The following FAM184B variants were observed in gnomAD, a reference collection of about 807,000 sequenced individuals.
FAM184B encodes protein FAM184B.
In FAM184B, 111 loss-of-function variants were observed where a neutral mutation model predicts 135.9. The observed-to-expected ratio is 0.82, with a 90% CI of 0.70 to 0.96. The LOEUF (loss-of-function observed/expected upper bound fraction) is 0.96. Ranked by LOEUF, FAM184B falls within the 40% of genes least tolerant of loss-of-function variation. FAM184B has a pLI of 0.00. For missense variants in FAM184B, 1,375 were observed against 1,323.9 expected, an observed-to-expected ratio of 1.04 and a Z score of -0.60; for synonymous variants, 552 against 524.8, an observed-to-expected ratio of 1.05 and a Z score of -0.71.
chr4:17,705,885 A>G lies in FAM184B; in HGVS notation c.1037T>C (p.Met346Thr), dbSNP rs1717103534. The G allele has an allele frequency of 1.9e-6, 3 of 1,552,158 alleles. No homozygotes were observed. Among genetic ancestry groups the G allele is most frequent in the African/African-American group, 2.7e-5 (2 of 73,070 alleles). Residue 346 changes from methionine to threonine, a missense_variant, in exon 4 of 18, where the codon ATG (methionine) becomes ACG (threonine). Physicochemically the swap from Met to Thr is moderately conservative, Grantham distance 81 (BLOSUM62 -1). Coordinates refer to ENST00000265018, the MANE Select transcript of FAM184B (RefSeq NM_015688.2). ...GTTCTCTGAAACTAACTCAGTCTTC[A>G]TGGCATCTGCAAGCATACATTTCAG... ...ECRGTQQTDA[M>T]KTELVSENKV...
intron 1 of FAM184B, among the ~76,000 whole-genome samples, chr4:17,726,950 T>C (rs561874262): frequency 3.9e-5 from 6 of 152,278 alleles, no homozygotes; most frequent in African/African-American, 1.4e-4. Context: ...TAATTTCAGG[T>C]TGCATGGGAT....
At chr4:17,763,176 C>T (rs1394701467) in intron 1 of FAM184B, among the ~76,000 whole-genome samples, 1 of 152,102 alleles carries the variant, frequency 6.6e-6, no homozygotes, top group Non-Finnish European at 1.5e-5. Context: ...TTGCCTAAGT[C>T]ACAATGAGGA....
At chr4:17,697,403 A>G (rs775975664) in intron 5 of FAM184B, among the ~76,000 whole-genome samples, 15 of 140,760 alleles carry the variant, frequency 1.1e-4, no homozygotes, top group Non-Finnish European at 2.0e-4. Flanking sequence ...CACTTAAAAG[A>G]GAAGAAAAAA....
chr4:17,664,305 G>A (rs1488787116), intron 8 of FAM184B, among the ~76,000 whole-genome samples: 3 of 152,166 alleles, frequency 2.0e-5, no homozygotes, highest in African/African-American at 7.2e-5. Flanking sequence ...ATCTTGGAAA[G>A]GTTTGCTAAC....
At chr4:17,749,477 T>A (rs954724702) in intron 1 of FAM184B, among the ~76,000 whole-genome samples, 1 of 151,790 alleles carries the variant, frequency 6.6e-6, no homozygotes, top group African/African-American at 2.4e-5. Flanking sequence ...ACACTATCAA[T>A]GGAAACAGAT....
chr4:17,643,794 C>A (rs549160959), intron 12 of FAM184B, among the ~76,000 whole-genome samples: 1 of 152,334 alleles, frequency 6.6e-6, no homozygotes, highest in South Asian at 2.1e-4. Context: ...TCCTCACCAC[C>A]CACAGGCACT....
rs1419442223 is a variant in FAM184B at position 17,647,766 on chromosome 4, C to T, written c.2217G>A (p.Glu739=). Residue 739 remains glutamate (E), a synonymous_variant, in exon 12 of 18, where the codon GAG becomes GAA. Coordinates refer to ENST00000265018, the MANE Select transcript of FAM184B (RefSeq NM_015688.2). ...GGTGCCCAGAACAGGCAGCTTGCTGCTCCGACAGCTCCTGTCTGAGCGACT... is the reference window on the plus strand; with the variant it reads ...GGTGCCCAGAACAGGCAGCTTGCTGTTCCGACAGCTCCTGTCTGAGCGACT... ...LLESLRQELS[E]QQAACSGHQK... The T allele has an allele frequency of 6.4e-7, 1 of 1,550,656 alleles. No individual in the cohort carries two copies. The highest frequency in any genetic ancestry group is 8.7e-7 in the Non-Finnish European group (1 of 1,146,954).
At chr4:17,714,642 A>T (rs1207015055) in intron 1 of FAM184B, among the ~76,000 whole-genome samples, 1 of 152,208 alleles carries the variant, frequency 6.6e-6, no homozygotes, top group Admixed American at 6.5e-5. Flanking sequence ...TTCAGTATAT[A>T]GCCATGCTCG....
intron 8 of FAM184B, 106 bp from the exon 9 acceptor site, chr4:17,660,193 T>C (rs1476531108): frequency 2.3e-6 from 3 of 1,305,176 alleles, no homozygotes; most frequent in East Asian, 5.1e-5. Flanking sequence ...AAAGCTCCGA[T>C]AGCAGTTAGT....
At position 17,674,450 on chromosome 4, in the gene FAM184B, C is replaced by CT. The variant is rs1395217347; in HGVS notation, c.1597-9792dup. On this transcript the variant is annotated intron_variant, in intron 7 of 17. Transcript: ENST00000265018. ...ACCTGAGCCTTCAGTGTATTGTAAT[C>CT]TTTTTGCTGTGAAAGGTCTTGCTCA... Among the ~76,000 whole-genome samples, 6 of 152,226 alleles carry CT rather than the reference C, an allele frequency of 3.9e-5. No individual in the cohort carries two copies. The South Asian group carries it at 1.2e-3, about 32-fold the overall frequency.
intron 1 of FAM184B, among the ~76,000 whole-genome samples, chr4:17,720,844 C>A (rs1358657085): frequency 8.1e-5 from 11 of 135,516 alleles, no homozygotes; most frequent in Non-Finnish European, 1.4e-4. Flanking sequence ...TGAGATCAAG[C>A]CAATGCACTC....
At chr4:17,703,236 C>T (rs1193447847) in intron 5 of FAM184B, among the ~76,000 whole-genome samples, 2 of 152,178 alleles carry the variant, frequency 1.3e-5, no homozygotes, top group Non-Finnish European at 2.9e-5. Context: ...GTGGCGCATG[C>T]CTATAATCCC....
At chr4:17,740,179 G>A (rs1333423658) in intron 1 of FAM184B, among the ~76,000 whole-genome samples, 5 of 151,522 alleles carry the variant, frequency 3.3e-5, no homozygotes, top group Admixed American at 2.0e-4. Context: ...TAGCAAAGCC[G>A]CGTCTCTACT....
intron 1 of FAM184B, among the ~76,000 whole-genome samples, chr4:17,755,464 T>C (rs568257885): frequency 1.3e-5 from 2 of 152,340 alleles, no homozygotes; most frequent in South Asian, 4.1e-4. Flanking sequence ...TTGGTGGGAC[T>C]GTAAATTAGT....
intron 1 of FAM184B, among the ~76,000 whole-genome samples, chr4:17,723,618 A>G (rs146646722): frequency 1.2e-3 from 185 of 152,308 alleles, no homozygotes; most frequent in Admixed American, 2.2e-3. Context: ...TGCTCTCAGT[A>G]GCGTCTGTAT....
intron 7 of FAM184B, among the ~76,000 whole-genome samples, chr4:17,673,400 C>G (rs1716223481): frequency 6.6e-6 from 1 of 152,162 alleles, no homozygotes; most frequent in Non-Finnish European, 1.5e-5. Flanking sequence ...TTTGATCCAG[C>G]AATCCCACTA....
intron 5 of FAM184B, among the ~76,000 whole-genome samples, chr4:17,693,920 C>T (rs949492774): frequency 7.9e-5 from 12 of 151,274 alleles, no homozygotes; most frequent in Admixed American, 4.0e-4. Context: ...GAGACCAGCC[C>T]GAGCAACATA....
intron 7 of FAM184B, among the ~76,000 whole-genome samples, chr4:17,669,600 T>C (rs1716125529): frequency 1.3e-5 from 2 of 152,338 alleles, no homozygotes; most frequent in African/African-American, 4.8e-5. Context: ...AAACGTGAAC[T>C]GGCTAAGTTC....
At chr4:17,712,832 A>T (rs1717311709) in intron 1 of FAM184B, among the ~76,000 whole-genome samples, 1 of 152,226 alleles carries the variant, frequency 6.6e-6, no homozygotes, top group South Asian at 2.1e-4. Flanking sequence ...CCAATCGGGA[A>T]TAGTGTATGA....
Sources: gnomAD v4.1 joint callset for allele counts (sites outside exome capture counted in the v4.1 genomes callset) on GRCh38, gnomAD v4.1.1 for gene constraint, MANE v1.5 for transcripts, NCBI Gene and HGNC (gene_info 2026-07-23, HGNC 2026-07-21) for gene names.